Variants in GPATCH8 observed in about 807,000 individuals in gnomAD.
GPATCH8 encodes G-patch domain containing 8.
A neutral mutation model predicts 118.3 loss-of-function variants in GPATCH8; 18 were observed. That is an observed-to-expected ratio of 0.15 (90% confidence interval 0.11 to 0.23). The LOEUF is 0.23. Among genes scored for constraint, GPATCH8 ranks in the 10% least tolerant of loss-of-function variants. GPATCH8 has a pLI of 1.00. For synonymous variants in GPATCH8, 659 were observed against 684.7 expected (o/e 0.96, Z 0.59); for missense variants, 1,631 against 1,873.8 (o/e 0.87, Z 2.39).
chr17:44,489,426 C>T (rs1045953809), intron 1 of GPATCH8, among the ~76,000 whole-genome samples: 2 of 151,346 alleles, frequency 1.3e-5, no homozygotes, highest in African/African-American at 2.4e-5. Flanking sequence ...CTGCAACCTA[C>T]CCCTCCTGGG....
Position 44,492,755 on chromosome 17 carries a change from T to C in GPATCH8, c.45+10571A>G, listed in dbSNP as rs189492994. Among the ~76,000 whole-genome samples, 14 of 152,236 alleles carry C rather than the reference T, an allele frequency of 9.2e-5. No individual in the cohort carries two copies. The East Asian group carries it at 2.7e-3, about 29-fold the overall frequency. On this transcript the variant is annotated intron_variant, in intron 1 of 7. Coordinates refer to ENST00000591680, the MANE Select transcript of GPATCH8 (RefSeq NM_001002909.4). ...CATATATCACAGTAGTCAACTTTTATAAAGGTGTAATGGTCAAGGATAAGC... is the reference window on the plus strand; with the variant it reads ...CATATATCACAGTAGTCAACTTTTACAAAGGTGTAATGGTCAAGGATAAGC...
chr17:44,448,296 G>A (rs1039172599), intron 3 of GPATCH8, among the ~76,000 whole-genome samples: 4 of 151,912 alleles, frequency 2.6e-5, no homozygotes, highest in Non-Finnish European at 4.4e-5. Flanking sequence ...GGTGGCTCAC[G>A]CCTATAATCC....
intron 3 of GPATCH8, among the ~76,000 whole-genome samples, chr17:44,444,217 A>G (rs913952537): frequency 6.6e-6 from 1 of 150,896 alleles, no homozygotes; most frequent in Non-Finnish European, 1.5e-5. Context: ...AAGCCCTTAG[A>G]AGAGATAATA....
intron 5 of GPATCH8, among the ~76,000 whole-genome samples, chr17:44,427,081 A>AT (rs200192738): frequency 0.037 from 5,415 of 146,244 alleles, 123 homozygotes; most frequent in East Asian, 0.12. Flanking sequence ...TAATATTACT[A>AT]TTTTTTTTTT....
At chr17:44,458,585 A>G (rs2051428006) in intron 3 of GPATCH8, among the ~76,000 whole-genome samples, 1 of 152,146 alleles carries the variant, frequency 6.6e-6, no homozygotes, top group African/African-American at 2.4e-5. Flanking sequence ...ACAGTGGCAC[A>G]ATCACAGCTC....
chr17:44,488,223 CTTTTTTTTTT>C, intron 1 of GPATCH8, among the ~76,000 whole-genome samples: 1 of 101,366 alleles, frequency 9.9e-6, no homozygotes, highest in South Asian at 3.4e-4. Context: ...GTGCCTGACC[CTTTTTTTTTT>C]TTTTTTTTTT....
intron 7 of GPATCH8, 42 bp from the exon 8 acceptor site, chr17:44,401,495 T>C (rs1463496378): frequency 8.1e-7 from 1 of 1,232,702 alleles, no homozygotes; most frequent in Non-Finnish European, 1.2e-6. Context: ...AAAGCAGGTT[T>C]AGGAGTACAT....
intron 6 of GPATCH8, among the ~76,000 whole-genome samples, chr17:44,413,436 A>T (rs1040700835): frequency 6.6e-6 from 1 of 151,970 alleles, no homozygotes; most frequent in Non-Finnish European, 1.5e-5. Flanking sequence ...ATGCCCGGCT[A>T]ATTTTTTGTG....
intron 1 of GPATCH8, among the ~76,000 whole-genome samples, chr17:44,487,674 T>C (rs559517361): frequency 6.6e-6 from 1 of 152,200 alleles, no homozygotes; most frequent in Admixed American, 6.5e-5. Context: ...ATTTCTTTCA[T>C]GGGTGTGCCT....
intron 6 of GPATCH8, among the ~76,000 whole-genome samples, chr17:44,421,429 G>A (rs1487899180): frequency 3.3e-5 from 5 of 151,718 alleles, no homozygotes; most frequent in East Asian, 4.0e-4. Flanking sequence ...GCAGTGGCAC[G>A]ATCTCGGCTC....
At chr17:44,488,249 CAG>C (rs1968951093) in intron 1 of GPATCH8, among the ~76,000 whole-genome samples, 1 of 114,922 alleles carries the variant, frequency 8.7e-6, no homozygotes, top group Admixed American at 1.1e-4. Flanking sequence ...TTTTTTAAGA[CAG>C]AGTCTCACTC....
intron 1 of GPATCH8, among the ~76,000 whole-genome samples, chr17:44,478,922 G>A (rs948149891): frequency 5.9e-5 from 9 of 151,726 alleles, no homozygotes; most frequent in African/African-American, 2.2e-4. Context: ...TTTTGATTTA[G>A]ATGGTCTCAA....
At chr17:44,490,925 C>T (rs1969197689) in intron 1 of GPATCH8, among the ~76,000 whole-genome samples, 1 of 152,200 alleles carries the variant, frequency 6.6e-6, no homozygotes, top group South Asian at 2.1e-4. Flanking sequence ...TCAATAAAGA[C>T]AGGAATTGCC....
rs1266808722 is a variant in GPATCH8 at position 44,453,614 on chromosome 17, T to C, written c.193+10858A>G. ...TGACACGGCACCCTGCAGCCTCAAC[T>C]TCATGGCCTCTCGTGATCCTCCCAC... On this transcript the variant is annotated intron_variant, in intron 3 of 7. Coordinates refer to ENST00000591680, the MANE Select transcript of GPATCH8 (RefSeq NM_001002909.4). Among the ~76,000 whole-genome samples, 5 of 151,700 alleles carry C rather than the reference T, an allele frequency of 3.3e-5. No individual in the cohort carries two copies. In the East Asian group the frequency reaches 5.8e-4, roughly 18 times the overall value.
chr17:44,471,065 G>A (rs866892534), intron 2 of GPATCH8, among the ~76,000 whole-genome samples: 148 of 152,196 alleles, frequency 9.7e-4, no homozygotes, highest in Middle Eastern at 3.4e-3. Flanking sequence ...TTTTCAACTT[G>A]TTTTTAATAG....
At chr17:44,430,624 G>A (rs1004503451) in intron 5 of GPATCH8, among the ~76,000 whole-genome samples, 10 of 151,530 alleles carry the variant, frequency 6.6e-5, no homozygotes, top group East Asian at 3.9e-4. Flanking sequence ...TCAGAAAGAC[G>A]ACAGGAATGT....
intron 3 of GPATCH8, among the ~76,000 whole-genome samples, chr17:44,437,962 AAAC>A (rs2050570677): frequency 1.8e-5 from 2 of 108,890 alleles, no homozygotes; most frequent in South Asian, 2.9e-4. Context: ...AAAAAAAACA[AAAC>A]AACAACTTCT....
At position 44,398,508 on chromosome 17, in the gene GPATCH8, C is replaced by T. The variant is rs2048867978; in HGVS notation, c.3569G>A (p.Gly1190Glu). The T allele has an allele frequency of 6.2e-7, 1 of 1,602,942 alleles. No individual in the cohort carries two copies. Among genetic ancestry groups the T allele is most frequent in the Non-Finnish European group, 8.5e-7 (1 of 1,174,836 alleles). Residue 1190 changes from glycine to glutamate, a missense_variant, in exon 8 of 8, where the codon GGG (glycine) becomes GAG (glutamate). By Grantham distance (98) the Gly-to-Glu change is moderately conservative. Coordinates refer to ENST00000591680, the MANE Select transcript of GPATCH8 (RefSeq NM_001002909.4). ...GPPGSSDALF[G>E]HQFPSEETTG... ...TGTTTCCTCTGAAGGGAACTGATGCCCAAATAGGGCATCACTACTCCCTGG... is the reference window on the plus strand; with the variant it reads ...TGTTTCCTCTGAAGGGAACTGATGCTCAAATAGGGCATCACTACTCCCTGG...
intron 1 of GPATCH8, among the ~76,000 whole-genome samples, chr17:44,483,966 C>T (rs915809252): frequency 9.9e-5 from 15 of 152,014 alleles, no homozygotes; most frequent in African/African-American, 3.1e-4. Flanking sequence ...TTCAGCGTCC[C>T]GAGTAGCTAG....
Sources: gnomAD v4.1 joint callset for allele counts (sites outside exome capture counted in the v4.1 genomes callset) on GRCh38, gnomAD v4.1.1 for gene constraint, MANE v1.5 for transcripts, NCBI Gene and HGNC (gene_info 2026-07-23, HGNC 2026-07-21) for gene names.